OR4Q3: variants seen among roughly 807,000 people sequenced by gnomAD.
OR4Q3 encodes the protein olfactory receptor 4Q3.
In OR4Q3, 17 loss-of-function variants were observed where a neutral mutation model predicts 18.8. The ratio of observed to expected loss-of-function variants is 0.91; its 90% CI spans 0.62 to 1.36. OR4Q3 has a LOEUF of 1.36. OR4Q3 is among the 40% of genes most tolerant of loss of function. OR4Q3 has a pLI of 0.00. For synonymous variants in OR4Q3, 158 were observed against 145.8 expected (o/e 1.08, Z -0.60); for missense variants, 378 against 373.4 (o/e 1.01, Z -0.10).
chr14:19,752,164 A>G, downstream of OR4Q3, among the ~76,000 whole-genome samples: 1 of 152,238 alleles, frequency 6.6e-6, no homozygotes, highest in Non-Finnish European at 1.5e-5. Context: ...CCAAAAATTG[A>G]CAAGTGGGAC....
chr14:19,751,459 C>A, downstream of OR4Q3, among the ~76,000 whole-genome samples: 1 of 151,746 alleles, frequency 6.6e-6, no homozygotes, highest in Non-Finnish European at 1.5e-5. Flanking sequence ...AGGATTGGTA[C>A]CATTTCTTCT....
At chr14:19,744,462 T>C (rs2138398341) in intron 1 of OR4Q3, among the ~76,000 whole-genome samples, 1 of 152,310 alleles carries the variant, frequency 6.6e-6, no homozygotes, top group South Asian at 2.1e-4. Context: ...CATATTTTCC[T>C]CATAAACATC....
At chr14:19,747,844 C>T in exon 2 of OR4Q3, 1 of 1,608,054 alleles carries the variant, frequency 6.2e-7, no homozygotes, top group South Asian at 1.1e-5. Context: ...TCATGAACCC[C>T]CAGCTATGCC....
intron 1 of OR4Q3, among the ~76,000 whole-genome samples, chr14:19,746,520 G>A: frequency 3.3e-5 from 5 of 152,152 alleles, no homozygotes; most frequent in Non-Finnish European, 5.9e-5. Context: ...TTTTGTGCAT[G>A]CCTCCGTGAT....
chr14:19,748,448 C>A, exon 2 of OR4Q3: 4 of 1,052,596 alleles, frequency 3.8e-6, no homozygotes, highest in East Asian at 2.5e-5. Flanking sequence ...TGGGTAAAAA[C>A]CACTTTGATG....
At chr14:19,744,643 A>G (rs1214522476) in intron 1 of OR4Q3, among the ~76,000 whole-genome samples, 2 of 152,158 alleles carry the variant, frequency 1.3e-5, no homozygotes, top group African/African-American at 4.8e-5. Context: ...TTGTGTACTT[A>G]AAAATATTTT....
At chr14:19,749,552 T>G, downstream of OR4Q3, 2 of 119,672 alleles carry the variant, frequency 1.7e-5, no homozygotes, top group Non-Finnish European at 3.2e-5. Context: ...TGAGCTGACA[T>G]CGCACCACTG....
chr14:19,746,681 G>A, intron 1 of OR4Q3, among the ~76,000 whole-genome samples: 2 of 152,142 alleles, frequency 1.3e-5, no homozygotes, highest in South Asian at 4.1e-4. Flanking sequence ...TCTGTGACCT[G>A]GGATAGTAAA....
At chr14:19,748,184 G>C in exon 2 of OR4Q3, 1 of 1,614,060 alleles carries the variant, frequency 6.2e-7, no homozygotes, top group Non-Finnish European at 8.5e-7. Flanking sequence ...CCTGATCTTC[G>C]TGCCATGCGT....
chr14:19,749,890 CTTTCT>C, downstream of OR4Q3, among the ~76,000 whole-genome samples: 1 of 36,156 alleles, frequency 2.8e-5, no homozygotes, highest in African/African-American at 6.6e-5. Context: ...TTCTTTCTTT[CTTTCT>C]TTCTTTCTTT....
exon 2 of OR4Q3, chr14:19,748,263 T>A: frequency 1.2e-6 from 2 of 1,609,040 alleles, no homozygotes; most frequent in South Asian, 2.2e-5. Context: ...TACACAGTGA[T>A]TACACCTATG....
chr14:19,744,641 T>G (rs1462687168), intron 1 of OR4Q3, among the ~76,000 whole-genome samples: 1 of 152,210 alleles, frequency 6.6e-6, no homozygotes, highest in Non-Finnish European at 1.5e-5. Flanking sequence ...TTTTGTGTAC[T>G]TAAAAATATT....
chr14:19,746,858 T>A, intron 1 of OR4Q3, among the ~76,000 whole-genome samples: 1 of 152,236 alleles, frequency 6.6e-6, no homozygotes, highest in Non-Finnish European at 1.5e-5. Flanking sequence ...GTAAGTATTG[T>A]GTTGCGGATA....
At chr14:19,746,106 A>C in intron 1 of OR4Q3, among the ~76,000 whole-genome samples, 1 of 151,988 alleles carries the variant, frequency 6.6e-6, no homozygotes, top group African/African-American at 2.4e-5. Context: ...AATACCTGAT[A>C]TCTAGTATGA....
At chr14:19,748,860 C>T in exon 2 of OR4Q3, 2 of 161,464 alleles carry the variant, frequency 1.2e-5, no homozygotes, top group African/African-American at 4.8e-5. Context: ...ACAGTAACAA[C>T]CACCTATGTG....
At chr14:19,746,895 C>T in intron 1 of OR4Q3, among the ~76,000 whole-genome samples, 1 of 151,008 alleles carries the variant, frequency 6.6e-6, no homozygotes, top group Non-Finnish European at 1.5e-5. Context: ...ATTTCCTCAT[C>T]TTGAGAGATT....
downstream of OR4Q3, among the ~76,000 whole-genome samples, chr14:19,751,987 C>G: frequency 2.6e-5 from 4 of 152,172 alleles, no homozygotes; most frequent in African/African-American, 9.6e-5. Flanking sequence ...GAAGATGAAG[C>G]TAGACCCTTG....
At chr14:19,746,117 A>C in intron 1 of OR4Q3, among the ~76,000 whole-genome samples, 14 of 151,942 alleles carry the variant, frequency 9.2e-5, no homozygotes, top group Non-Finnish European at 1.5e-4. Context: ...TCTAGTATGA[A>C]GGATTTTATT....
downstream of OR4Q3, among the ~76,000 whole-genome samples, chr14:19,750,800 G>A: frequency 6.6e-6 from 1 of 152,236 alleles, no homozygotes; most frequent in African/African-American, 2.4e-5. Context: ...GTGTGGGTGA[G>A]GGTGAGAATG....
Sources: gnomAD v4.1 joint callset for allele counts (sites outside exome capture counted in the v4.1 genomes callset) on GRCh38, gnomAD v4.1.1 for gene constraint, MANE v1.5 for transcripts, NCBI Gene and HGNC (gene_info 2026-07-23, HGNC 2026-07-21) for gene names.